The following PBRM1 variants were observed in gnomAD, a reference collection of about 807,000 sequenced individuals.
The protein encoded by PBRM1 is protein polybromo-1.
In PBRM1, 27 loss-of-function variants were observed where a neutral mutation model predicts 194.5. The ratio of observed to expected loss-of-function variants is 0.14; its 90% CI spans 0.10 to 0.19. The LOEUF (loss-of-function observed/expected upper bound fraction) is 0.19. PBRM1 is among the 10% of genes least tolerant of loss of function. The pLI, the probability that PBRM1 is intolerant of heterozygous loss-of-function variation, is 1.00. For missense variants in PBRM1, 1,466 were observed against 2,077.2 expected (o/e 0.71, Z 5.72); for synonymous variants, 655 against 693.2 (o/e 0.94, Z 0.87).
At chr3:52,643,630 C>T (rs970979302) in intron 8 of PBRM1, among the ~76,000 whole-genome samples, 15 of 152,102 alleles carry the variant, frequency 9.9e-5, no homozygotes, top group African/African-American at 3.6e-4. Flanking sequence ...CCCAACCTTC[C>T]CATTTCAGGT....
At chr3:52,678,634 A>G (rs2097153521) in intron 1 of PBRM1, 37 bp from the exon 3 acceptor site, 1 of 1,332,962 alleles carries the variant, frequency 7.5e-7, no homozygotes, top group South Asian at 1.2e-5. Context: ...TCACTAAAAA[A>G]GTGAACAGAA....
intron 5 of PBRM1, among the ~76,000 whole-genome samples, chr3:52,653,989 T>C (rs2096561060): frequency 6.6e-6 from 1 of 152,214 alleles, no homozygotes. Flanking sequence ...ATTGAACATG[T>C]TGAGGAATGT....
intron 22 of PBRM1, among the ~76,000 whole-genome samples, chr3:52,565,656 A>C (rs1414191510): frequency 6.6e-6 from 1 of 152,160 alleles, no homozygotes; most frequent in African/African-American, 2.4e-5. Context: ...TATTCCTACA[A>C]CTCAACATTA....
chr3:52,635,930 C>T (rs1426886106), intron 10 of PBRM1, among the ~76,000 whole-genome samples: 1 of 152,060 alleles, frequency 6.6e-6, no homozygotes, highest in African/African-American at 2.4e-5. Context: ...GTGGCGTGAT[C>T]CTGGCTCACT....
intron 5 of PBRM1, among the ~76,000 whole-genome samples, chr3:52,656,626 T>C (rs538225048): frequency 1.3e-5 from 2 of 152,284 alleles, no homozygotes; most frequent in African/African-American, 2.4e-5. Context: ...GATCACGCCA[T>C]TGCACTTCAG....
At chr3:52,628,945 C>T (rs2153596006) in exon 12 of PBRM1, 1 of 1,613,420 alleles carries the variant, frequency 6.2e-7, no homozygotes, top group Non-Finnish European at 8.5e-7. Flanking sequence ...CTGAATTGGG[C>T]ACATTATAGC....
At chr3:52,573,499 G>A (rs774046056) in intron 22 of PBRM1, among the ~76,000 whole-genome samples, 89 of 152,066 alleles carry the variant, frequency 5.9e-4, no homozygotes, top group Non-Finnish European at 9.3e-4. Context: ...TCACCACGTT[G>A]GCCAGGCTGG....
chr3:52,585,516 C>G (rs994901520), intron 20 of PBRM1: 2 of 152,174 alleles, frequency 1.3e-5, no homozygotes, highest in Non-Finnish European at 1.5e-5. Flanking sequence ...CTTTACATTT[C>G]TTCCACATTT....
chr3:52,644,822 G>C (rs765227912), intron 7 of PBRM1, 33 bp from the exon 9 acceptor site: 1 of 1,086,900 alleles, frequency 9.2e-7, no homozygotes, highest in South Asian at 1.3e-5. Flanking sequence ...TTTAAAAAAG[G>C]AACAGATAAA....
rs150856067 is a variant in PBRM1, at chr3:52,649,723, C to T, written c.715-1281G>A. ...AACAAGTGAATTAAGTCTCTGAGCA[C>T]GGGACTGGCAGGAAGAAAGCCAAGG... On this transcript the variant is annotated intron_variant, in intron 6 of 29. Transcript: ENST00000296302. 1.4e-3 allele frequency among the ~76,000 whole-genome samples: 218 copies of T among 152,236 alleles called. 2 individuals are homozygous for T. The highest frequency in any genetic ancestry group is 4.5e-3 in the African/African-American group (187 of 41,530).
intron 11 of PBRM1, among the ~76,000 whole-genome samples, chr3:52,634,210 G>A (rs1217674003): frequency 6.6e-6 from 1 of 152,088 alleles, no homozygotes; most frequent in East Asian, 1.9e-4. Context: ...AGGCCGAGGT[G>A]GGCAGATCAT....
chr3:52,589,680 T>C (rs2092820847), intron 17 of PBRM1, among the ~76,000 whole-genome samples: 1 of 152,176 alleles, frequency 6.6e-6, no homozygotes, highest in Non-Finnish European at 1.5e-5. Context: ...ATTACACGAA[T>C]ATGACACATT....
chr3:52,555,330 G>A (rs2081986460), intron 26 of PBRM1, among the ~76,000 whole-genome samples: 1 of 152,124 alleles, frequency 6.6e-6, no homozygotes, highest in Non-Finnish European at 1.5e-5. Flanking sequence ...AGGAAGGGAG[G>A]GAAATGAGCG....
intron 14 of PBRM1, among the ~76,000 whole-genome samples, chr3:52,616,333 A>G (rs1336547365): frequency 3.3e-5 from 5 of 152,236 alleles, no homozygotes; most frequent in East Asian, 1.9e-4. Context: ...GGATAAAAAG[A>G]TATCAAATAG....
intron 20 of PBRM1, among the ~76,000 whole-genome samples, chr3:52,584,028 C>T (rs1183434593): frequency 4.6e-5 from 7 of 152,040 alleles, no homozygotes; most frequent in South Asian, 2.1e-4. Context: ...TAAAAAAATC[C>T]CTCAGTTCAC....
exon 4 of PBRM1, chr3:52,662,241 G>C (rs2096738971): frequency 6.2e-7 from 1 of 1,613,254 alleles, no homozygotes; most frequent in Non-Finnish European, 8.5e-7. Context: ...ACAAATCCCA[G>C]AGTTTGCAAG....
At chr3:52,575,474 T>C (rs1300972140) in intron 22 of PBRM1, among the ~76,000 whole-genome samples, 1 of 150,758 alleles carries the variant, frequency 6.6e-6, no homozygotes, top group African/African-American at 2.4e-5. Context: ...TTCCAGACAC[T>C]GGATTTACTA....
upstream of PBRM1, among the ~76,000 whole-genome samples, chr3:52,683,151 C>T (rs995371053): frequency 7.9e-5 from 12 of 151,484 alleles, no homozygotes; most frequent in South Asian, 2.1e-4. Context: ...TGCAGTGAGC[C>T]GAGATGGCAC....
At chr3:52,648,129 G>A (rs1019742473) in intron 7 of PBRM1, among the ~76,000 whole-genome samples, 1 of 152,016 alleles carries the variant, frequency 6.6e-6, no homozygotes, top group Non-Finnish European at 1.5e-5. Context: ...GGCTGGTCTG[G>A]AACGCCTGAC....
Sources: allele counts gnomAD v4.1 joint callset (sites outside exome capture counted in the v4.1 genomes callset), GRCh38; gene constraint gnomAD v4.1.1; transcripts MANE v1.5; gene names NCBI Gene and HGNC (gene_info 2026-07-23, HGNC 2026-07-21).